AZIN2: variants seen among roughly 807,000 people sequenced by gnomAD.
AZIN2 encodes the protein ODC antizyme inhibitor-2.
Under a neutral mutation model 47.8 loss-of-function variants are expected in AZIN2, and 28 were observed. That is an observed-to-expected ratio of 0.59 (90% CI 0.43 to 0.80). The LOEUF (loss-of-function observed/expected upper bound fraction) is 0.80, where lower values mean the gene tolerates loss of function less well. AZIN2 is among the 30% of genes least tolerant of loss of function. AZIN2 has a pLI of 0.00. For synonymous variants in AZIN2, 221 were observed against 239.4 expected (o/e 0.92, Z 0.71); for missense variants, 535 against 582.5 (o/e 0.92, Z 0.84).
At chr1:33,139,699 C>A in the AZIN2 span, among the ~76,000 whole-genome samples, 1 of 152,148 alleles carries the variant, frequency 6.6e-6, no homozygotes, top group Admixed American at 6.5e-5. Context: ...CAGAGGAAGC[C>A]CCTGCAAACA....
At chr1:33,128,203 C>CAAAA (rs34284839), downstream of AZIN2, among the ~76,000 whole-genome samples, 1 of 83,686 alleles carries the variant, frequency 1.2e-5, no homozygotes, top group African/African-American at 4.3e-5. Context: ...CCCACCTCTC[C>CAAAA]AAAAAAAAAA....
At chr1:33,155,597 G>A in the AZIN2 span, among the ~76,000 whole-genome samples, 1 of 152,150 alleles carries the variant, frequency 6.6e-6, no homozygotes, top group African/African-American at 2.4e-5. Context: ...CGACGTTGGG[G>A]TTTAAGTCCT....
chr1:33,087,608 T>G (rs971178367), intron 5 of AZIN2, among the ~76,000 whole-genome samples: 1 of 151,864 alleles, frequency 6.6e-6, no homozygotes, highest in African/African-American at 2.4e-5. Flanking sequence ...GGCTAATTTT[T>G]TGTTTCTTTA....
the AZIN2 span, among the ~76,000 whole-genome samples, chr1:33,151,020 G>C: frequency 3.9e-5 from 6 of 152,098 alleles, no homozygotes; most frequent in African/African-American, 1.4e-4. Flanking sequence ...GTGCGGGGCG[G>C]GGGGTACCCT....
At chr1:33,107,642 T>TA (rs1241050849) in intron 10 of AZIN2, among the ~76,000 whole-genome samples, 1 of 152,102 alleles carries the variant, frequency 6.6e-6, no homozygotes, top group African/African-American at 2.4e-5. Flanking sequence ...CTATTAGACT[T>TA]AATAAGTTCA....
intron 6 of AZIN2, among the ~76,000 whole-genome samples, chr1:33,093,038 G>A (rs1417151265): frequency 6.6e-6 from 1 of 152,220 alleles, no homozygotes; most frequent in African/African-American, 2.4e-5. Context: ...GACTGGAGCT[G>A]CCCCAGGAGA....
At chr1:33,107,466 G>A (rs1223942922) in intron 10 of AZIN2, among the ~76,000 whole-genome samples, 1 of 152,098 alleles carries the variant, frequency 6.6e-6, no homozygotes, top group Non-Finnish European at 1.5e-5. Context: ...TGTAATCCCA[G>A]CTACTCAGGA....
At chr1:33,094,743 G>A (rs1642957355) in intron 8 of AZIN2, 30 bp downstream of exon 8, 6 of 1,611,350 alleles carry the variant, frequency 3.7e-6, no homozygotes, top group Non-Finnish European at 5.1e-6. Context: ...TGTCATGCTG[G>A]GCTCTATGGC....
intron 10 of AZIN2, chr1:33,102,042 G>T (rs1010920428): frequency 1.7e-6 from 1 of 596,100 alleles, no homozygotes; most frequent in African/African-American, 1.8e-5. Flanking sequence ...GAATGGCTGG[G>T]TATAGGGCAT....
At chr1:33,093,505 G>A in intron 7 of AZIN2, 89 bp downstream of exon 7, 1 of 1,491,300 alleles carries the variant, frequency 6.7e-7, no homozygotes, top group Non-Finnish European at 9.0e-7. Context: ...CCTTCCCCAG[G>A]GCCTCTGAGT....
chr1:33,130,064 G>A, the AZIN2 span, among the ~76,000 whole-genome samples: 1 of 152,144 alleles, frequency 6.6e-6, no homozygotes, highest in Non-Finnish European at 1.5e-5. Flanking sequence ...TCACCATGTT[G>A]GTCAGGCTAG....
At chr1:33,154,134 A>G in the AZIN2 span, among the ~76,000 whole-genome samples, 4 of 152,294 alleles carry the variant, frequency 2.6e-5, no homozygotes, top group East Asian at 7.7e-4. Context: ...AGAATACAAA[A>G]CATGTAGATG....
At chr1:33,155,315 G>T in the AZIN2 span, among the ~76,000 whole-genome samples, 1 of 151,784 alleles carries the variant, frequency 6.6e-6, no homozygotes, top group Admixed American at 6.6e-5. Context: ...CAAGTGATCC[G>T]CCTGCCTTGC....
chr1:33,159,944 A>C, the AZIN2 span: 1 of 1,600,864 alleles, frequency 6.2e-7, no homozygotes, highest in Non-Finnish European at 8.5e-7. This position sits in a 1 kb window ranked among gnomAD's most constrained non-coding sequence, Gnocchi z 4.2. Flanking sequence ...TTGGTGGAAG[A>C]CTGTGGGGGA....
rs922710191 is a variant in AZIN2, at chr1:33,094,800, G to A, written c.753+87G>A. 1.7e-5 allele frequency: 25 copies of A among 1,440,832 alleles called. No homozygotes were observed. In the African/African-American group the frequency reaches 2.2e-4, roughly 13 times the overall value. 89.3% of individuals were successfully genotyped at this position (1,440,832 alleles called of 1,614,324 possible). On this transcript the variant is annotated intron_variant, in intron 8 of 11. Transcript: ENST00000294517. ...GATGATCGGAGGGAGACCACCGTGCGTGGGTCCTATGCACTGCATGCAGTG... is the reference window on the plus strand; with the variant it reads ...GATGATCGGAGGGAGACCACCGTGCATGGGTCCTATGCACTGCATGCAGTG...
At chr1:33,102,994 C>A (rs902419419) in intron 10 of AZIN2, among the ~76,000 whole-genome samples, 1 of 152,160 alleles carries the variant, frequency 6.6e-6, no homozygotes, top group Non-Finnish European at 1.5e-5. Context: ...ACCTGCAATT[C>A]TTGAGTGTAG....
chr1:33,152,422 C>T, the AZIN2 span, among the ~76,000 whole-genome samples: 4 of 152,228 alleles, frequency 2.6e-5, no homozygotes, highest in East Asian at 7.7e-4. Context: ...AAAAAATTAG[C>T]GGCGCATGGT....
At chr1:33,159,882 C>A in the AZIN2 span, 1 of 1,611,778 alleles carries the variant, frequency 6.2e-7, no homozygotes, top group Non-Finnish European at 8.5e-7. The surrounding 1 kb of genome is among the most constrained non-coding windows in gnomAD (Gnocchi z 4.2). Context: ...GGCGTTCACG[C>A]AGCAGCCGGT....
downstream of AZIN2, among the ~76,000 whole-genome samples, chr1:33,123,787 A>G (rs1175493640): frequency 6.6e-6 from 1 of 152,236 alleles, no homozygotes; most frequent in Non-Finnish European, 1.5e-5. Flanking sequence ...TCACGAGGTC[A>G]GGAGTTTGAG....
Sources: allele counts gnomAD v4.1 joint callset (sites outside exome capture counted in the v4.1 genomes callset), GRCh38; gene constraint gnomAD v4.1.1; non-coding constraint Gnocchi (gnomAD v3.1); transcripts MANE v1.5; gene names NCBI Gene and HGNC (gene_info 2026-07-23, HGNC 2026-07-21).